ZNF268: variants seen among roughly 807,000 people sequenced by gnomAD.
The protein encoded by ZNF268 is zinc finger protein 268, also known as zinc finger protein 3.
ZNF268 carries 20 observed loss-of-function variants against 29.3 expected under a neutral mutation model. The observed-to-expected ratio is 0.68, with a 90% CI of 0.48 to 0.99. The LOEUF (loss-of-function observed/expected upper bound fraction) is 0.99. ZNF268 is among the 50% of genes least tolerant of loss of function. The probability of loss-of-function intolerance (pLI) is 0.00; values close to 1 mark genes in which losing one functional copy is unlikely to be tolerated. For synonymous variants in ZNF268, 429 were observed against 376.9 expected, an observed-to-expected ratio of 1.14 and a Z score of -1.60; for missense variants, 1,240 against 1,121.6, an observed-to-expected ratio of 1.11 and a Z score of -1.51.
Position 133,191,495 on chromosome 12 carries a change from T to C in ZNF268, c.241T>C (p.Leu81=), listed in dbSNP as rs1401803624. Residue 81 remains leucine, a synonymous_variant, in exon 4 of 6, where the codon TTG becomes CTG. Transcript: ENST00000536435. ...QPKITKSWGP[L]SFMDVFVDFT... is the part of the protein sequence containing the mutation. ...TGAGCATATTGTATTTCAGGGACCT[T>C]TGTCATTCATGGATGTGTTTGTGGA... The C allele has an allele frequency of 6.8e-6, 11 of 1,613,914 alleles. No individual in the cohort carries two copies. Among genetic ancestry groups the C allele is most frequent in the African/African-American group, 1.3e-5 (1 of 75,032 alleles).
chr12:133,199,403 A>G (rs1956695312), intron 5 of ZNF268, among the ~76,000 whole-genome samples: 1 of 150,946 alleles, frequency 6.6e-6, no homozygotes, highest in Admixed American at 6.6e-5. Context: ...ATCATGGTGG[A>G]TAAGCTTTTT....
At chr12:133,193,485 G>T in intron 5 of ZNF268, 1 of 699,176 alleles carries the variant, frequency 1.4e-6, no homozygotes, top group Non-Finnish European at 2.6e-6. Context: ...TCTGGTGAGG[G>T]CCTGCTCTGT....
At chr12:133,190,771 GTTC>G (rs1370664956) in intron 3 of ZNF268, among the ~76,000 whole-genome samples, 3 of 151,946 alleles carry the variant, frequency 2.0e-5, no homozygotes, top group African/African-American at 7.3e-5. Flanking sequence ...TGTAATCTGT[GTTC>G]TTTTTTCTTA....
Position 133,202,230 on chromosome 12 carries a change from A to G in ZNF268, c.544A>G (p.Thr182Ala). The G allele has an allele frequency of 6.2e-7, 1 of 1,611,828 alleles. No homozygotes were observed. Among genetic ancestry groups the G allele is most frequent in the Non-Finnish European group, 8.5e-7 (1 of 1,178,912 alleles). Residue 182 changes from threonine to alanine, a missense_variant, in exon 6 of 6, where the codon ACT becomes GCT. Thr to Ala is a moderately conservative substitution (Grantham distance 58, BLOSUM62 0). Transcript: ENST00000536435. ...AAGTACGGCAAAAAGCTTTGAATGC[A>G]CTACATTTGGAAAACTATGTCTTCT... ...LGSTAKSFEC[T>A]TFGKLCLLST...
rs528012709 is a variant in ZNF268 at position 133,206,834 on chromosome 12, G to A, written c.*2304G>A. 2 of 152,302 alleles carry A rather than the reference G, an allele frequency of 1.3e-5. No individual in the cohort carries two copies. The highest frequency in any genetic ancestry group is 2.4e-5 in the African/African-American group (1 of 41,576). 9.4% of individuals were successfully genotyped at this position (152,302 alleles called of 1,614,324 possible). ...AATAATCGCAGATACTTGCTAAAGTGTATCCCCCAATCTGGGAAATACTGT... is the reference window on the plus strand; with the variant it reads ...AATAATCGCAGATACTTGCTAAAGTATATCCCCCAATCTGGGAAATACTGT... On this transcript the variant is annotated 3_prime_UTR_variant, in exon 6 of 6. Coordinates refer to ENST00000536435, the MANE Select transcript of ZNF268 (RefSeq NM_003415.3).
chr12:133,201,532 T>C (rs1432550948), intron 5 of ZNF268, among the ~76,000 whole-genome samples: 1 of 152,134 alleles, frequency 6.6e-6, no homozygotes, highest in Non-Finnish European at 1.5e-5. Context: ...TTCTAATTTT[T>C]GTTACATTGT....
Position 133,210,486 on chromosome 12 carries a change from G to GGGA in ZNF268, c.*5956_*5957insGGA. On this transcript the variant is annotated 3_prime_UTR_variant, in exon 6 of 6. Coordinates refer to ENST00000536435, the MANE Select transcript of ZNF268 (RefSeq NM_003415.3). ...TTGCCCCACTAGGGTCCCTAGGTCA[G>GGGA]TCCTGAAGAGAAACAAGCTCCAGTC... The GGGA allele has an allele frequency of 4.0e-6, 1 of 250,648 alleles. No homozygotes were observed. The highest frequency in any genetic ancestry group is 4.9e-5 in the South Asian group (1 of 20,420). The allele number at this position is 250,648 out of a possible 1,614,324, so 15.5% of individuals were successfully genotyped here.
intron 3 of ZNF268, among the ~76,000 whole-genome samples, chr12:133,190,786 C>T (rs1956448357): frequency 6.6e-6 from 1 of 152,050 alleles, no homozygotes; most frequent in African/African-American, 2.4e-5. Context: ...TTTTTCTTAG[C>T]TTCTTTGACT....
chr12:133,183,654 G>C (rs1179390894), intron 2 of ZNF268, among the ~76,000 whole-genome samples: 1 of 152,172 alleles, frequency 6.6e-6, no homozygotes, highest in East Asian at 1.9e-4. Flanking sequence ...CTGAGTAAGG[G>C]AAGACTGTCA....
rs1251325231 is a variant in ZNF268 at position 133,208,222 on chromosome 12, G to T, written c.*3692G>T. ...AAAGATTAGCCAGGTGTGGTCAGGCGCCGTGGCTCATGCCTGTAATCCCAG... is the reference window on the plus strand; with the variant it reads ...AAAGATTAGCCAGGTGTGGTCAGGCTCCGTGGCTCATGCCTGTAATCCCAG... On this transcript the variant is annotated 3_prime_UTR_variant, in exon 6 of 6. Transcript: ENST00000536435. 2 of 151,966 alleles carry T rather than the reference G, an allele frequency of 1.3e-5. No homozygotes were observed. The highest frequency in any genetic ancestry group is 4.8e-5 in the African/African-American group (2 of 41,346). 9.4% of individuals were successfully genotyped at this position (151,966 alleles called of 1,614,324 possible).
chr12:133,191,839 T>G (rs1956482950), intron 4 of ZNF268, 69 bp from the exon 5 acceptor site: 1 of 1,575,478 alleles, frequency 6.3e-7, no homozygotes, highest in Non-Finnish European at 8.7e-7. Context: ...ACCAAATCTT[T>G]CCCGTTCTTC....
At chr12:133,190,040 C>G (rs1470559115) in intron 3 of ZNF268, among the ~76,000 whole-genome samples, 2 of 152,110 alleles carry the variant, frequency 1.3e-5, no homozygotes, top group Admixed American at 1.3e-4. Flanking sequence ...GTTCTCCTGA[C>G]TTTGTGATCT....
Position 133,204,458 on chromosome 12 carries a change from A to T in ZNF268, c.2772A>T (p.Glu924Asp). 6.4e-7 allele frequency: 1 copy of T among 1,555,930 alleles called. No homozygotes were observed. The highest frequency in any genetic ancestry group is 8.6e-7 in the Non-Finnish European group (1 of 1,156,332). Residue 924 changes from glutamate to aspartate, a missense_variant, in exon 6 of 6, where the codon GAA becomes GAT. Glu to Asp is a conservative substitution (Grantham distance 45). Transcript: ENST00000536435. ...GAGAGAAGCCTTGTAAGTGCACTGAATGTGGGAAAGCCTTTTGTTGGAAGT... is the reference window on the plus strand; with the variant it reads ...GAGAGAAGCCTTGTAAGTGCACTGATTGTGGGAAAGCCTTTTGTTGGAAGT... ...HTGEKPCKCT[E>D]CGKAFCWKSQ...
Position 133,204,265 on chromosome 12 carries a change from G to A in ZNF268, c.2579G>A (p.Arg860Lys), listed in dbSNP as rs62644541. The change falls in exon 6 of 6, where the codon AGA (arginine) becomes AAA (lysine). Residue 860 changes from arginine (R) to lysine (K), a missense_variant. By Grantham distance (26) the Arg-to-Lys change is conservative. Around this residue, in one of 3 missense-constraint regions of ZNF268, gnomAD observed 1,177 missense variants for 1,039.6 expected, o/e 1.13. Transcript: ENST00000536435. ...RLLVHQRMHT[R>K]EKPYECSECG... is the part of the protein sequence containing the mutation. ...CTTGTACACCAGAGAATGCACACAA[G>A]AGAGAAACCATATGAATGCAGTGAG... 1 of 1,549,124 alleles carries A rather than the reference G, an allele frequency of 6.5e-7. No individual in the cohort carries two copies. The highest frequency in any genetic ancestry group is 1.9e-5 in the Admixed American group (1 of 51,508).
At chr12:133,183,662 T>G (rs901947611) in intron 2 of ZNF268, among the ~76,000 whole-genome samples, 2 of 152,142 alleles carry the variant, frequency 1.3e-5, no homozygotes, top group African/African-American at 4.8e-5. Context: ...GGGAAGACTG[T>G]CAGAATTGTG....
At position 133,214,278 on chromosome 12, in the gene ZNF268, A is replaced by G. The variant is rs958369981; in HGVS notation, c.*9748A>G. ...TTATTATTTTAAAAACAAACCAGAA[A>G]CAAGTATTGACAAAGAAGTGGAGAA... On this transcript the variant is annotated 3_prime_UTR_variant, in exon 6 of 6. Transcript: ENST00000536435. 5.9e-5 allele frequency: 9 copies of G among 152,202 alleles called. No homozygotes were observed. The highest frequency in any genetic ancestry group is 9.7e-5 in the African/African-American group (4 of 41,444). 9.4% of individuals were successfully genotyped at this position (152,202 alleles called of 1,614,324 possible). A position where few individuals can be genotyped will look rare whatever the true frequency, so the allele number is the denominator to read the frequency against.
Position 133,192,823 on chromosome 12 carries a change from C to T in ZNF268, c.457+820C>T, listed in dbSNP as rs143924453. 9.9e-3 allele frequency among the ~76,000 whole-genome samples: 1,511 copies of T among 152,208 alleles called. 17 individuals carry two copies. The highest frequency in any genetic ancestry group is 0.035 in the African/African-American group (1,439 of 41,490). On this transcript the variant is annotated intron_variant, in intron 5 of 5. Transcript: ENST00000536435. ...TACAGGCACCTGCCACCACGCCCGG[C>T]TAATTTCTTGTATTTTTTGTAGATA...
rs1230925092 is a variant in ZNF268, at chr12:133,205,850, T to C, written c.*1320T>C. ...CATTCAAGATGCCCTGCTCAGGACT[T>C]GGCATGAGCACTATGGTCAGCTGAG... On this transcript the variant is annotated 3_prime_UTR_variant, in exon 6 of 6. Transcript: ENST00000536435. 6.6e-6 allele frequency: 1 copy of C among 152,180 alleles called. No individual in the cohort carries two copies. The highest frequency in any genetic ancestry group is 2.1e-4 in the South Asian group (1 of 4,838). 9.4% of individuals were successfully genotyped at this position (152,180 alleles called of 1,614,324 possible).
intron 5 of ZNF268, among the ~76,000 whole-genome samples, chr12:133,192,257 G>A (rs1276752482): frequency 2.6e-5 from 4 of 151,656 alleles, no homozygotes; most frequent in Non-Finnish European, 5.9e-5. Flanking sequence ...ACAGTTGTGC[G>A]CCACCATGCC....
Sources: gnomAD v4.1 joint callset for allele counts (sites outside exome capture counted in the v4.1 genomes callset) on GRCh38, gnomAD v4.1.1 for gene constraint, gnomAD v4.1.1 regional missense constraint, MANE v1.5 for transcripts, NCBI Gene and HGNC (gene_info 2026-07-23, HGNC 2026-07-21) for gene names.